PDE4B: variants seen among roughly 807,000 people sequenced by gnomAD.
PDE4B encodes phosphodiesterase 4B.
In PDE4B, 20 loss-of-function variants were observed where a neutral mutation model predicts 82.2. That is an observed-to-expected ratio of 0.24 (90% CI 0.17 to 0.35). PDE4B has a LOEUF of 0.35. Among genes scored for constraint, PDE4B ranks in the 10% least tolerant of loss-of-function variants. PDE4B has a pLI of 1.00. For synonymous variants in PDE4B, 320 were observed against 318.9 expected (o/e 1.00, Z -0.04); for missense variants, 655 against 907.2 (o/e 0.72, Z 3.57).
intron 15 of PDE4B, 52 bp from the exon 16 acceptor site, chr1:66,368,735 C>T (rs563132688): frequency 4.8e-5 from 66 of 1,372,654 alleles, no homozygotes; most frequent in East Asian, 2.2e-4. Flanking sequence ...TGAGATGTTC[C>T]GGCAGTATTT....
At chr1:65,890,697 G>A (rs35354251) in intron 1 of PDE4B, among the ~76,000 whole-genome samples, 22,003 of 151,986 alleles carry the variant, frequency 0.14, 1,898 homozygotes, top group South Asian at 0.21. Flanking sequence ...TGGATACATG[G>A]AGGAGAGCAG....
chr1:65,808,350 T>C (rs1054256220), intron 1 of PDE4B, among the ~76,000 whole-genome samples: 3 of 151,956 alleles, frequency 2.0e-5, no homozygotes, highest in Non-Finnish European at 4.4e-5. Context: ...TTAAAGAAAT[T>C]GTAGAGACAG....
chr1:66,274,094 T>G (rs1418562692), intron 7 of PDE4B, among the ~76,000 whole-genome samples: 1 of 152,230 alleles, frequency 6.6e-6, no homozygotes, highest in East Asian at 1.9e-4. Flanking sequence ...GGAATTGGTT[T>G]GAGAACCCAG....
intron 8 of PDE4B, chr1:66,354,707 G>T: frequency 7.0e-7 from 1 of 1,436,792 alleles, no homozygotes; most frequent in South Asian, 1.5e-5. Flanking sequence ...CATACATTTT[G>T]GAGGTTTTTG....
intron 7 of PDE4B, among the ~76,000 whole-genome samples, chr1:66,308,328 T>C (rs145972116): frequency 6.6e-6 from 1 of 152,218 alleles, no homozygotes; most frequent in East Asian, 1.9e-4. Flanking sequence ...AGTTCATGGA[T>C]TTTTTTCCGG....
At chr1:65,826,008 A>G (rs189558017) in intron 1 of PDE4B, among the ~76,000 whole-genome samples, 3 of 152,304 alleles carry the variant, frequency 2.0e-5, no homozygotes, top group Admixed American at 2.0e-4. Context: ...GATATTCTGT[A>G]TTCAACGACA....
chr1:65,910,527 T>G (rs747925747), intron 1 of PDE4B, among the ~76,000 whole-genome samples: 2 of 152,176 alleles, frequency 1.3e-5, no homozygotes, highest in Non-Finnish European at 2.9e-5. Flanking sequence ...GGAAATAGAT[T>G]GTTCTCTTAA....
chr1:66,245,280 A>G (rs1414488209), intron 3 of PDE4B, among the ~76,000 whole-genome samples: 1 of 152,192 alleles, frequency 6.6e-6, no homozygotes, highest in Non-Finnish European at 1.5e-5. Flanking sequence ...TAGTGTTTTA[A>G]TATCCAGAAA....
intron 7 of PDE4B, among the ~76,000 whole-genome samples, chr1:66,315,648 C>T (rs913471611): frequency 6.6e-6 from 1 of 151,984 alleles, no homozygotes; most frequent in South Asian, 2.1e-4. Flanking sequence ...TTAATAGAGA[C>T]CGGATTTCAC....
intron 3 of PDE4B, among the ~76,000 whole-genome samples, chr1:66,018,312 C>T (rs1028731328): frequency 3.9e-5 from 6 of 151,904 alleles, no homozygotes; most frequent in African/African-American, 9.7e-5. Context: ...CCCAGCTAGT[C>T]GGGAGGCTGA....
At chr1:66,347,518 A>C (rs987255753) in intron 8 of PDE4B, among the ~76,000 whole-genome samples, 8 of 152,194 alleles carry the variant, frequency 5.3e-5, no homozygotes, top group Non-Finnish European at 1.2e-4. Flanking sequence ...CAGGGAAGGA[A>C]AGGATAGATC....
At chr1:66,275,097 T>A (rs1248149657) in intron 7 of PDE4B, among the ~76,000 whole-genome samples, 1 of 152,206 alleles carries the variant, frequency 6.6e-6, no homozygotes, top group Non-Finnish European at 1.5e-5. Flanking sequence ...CACCCCTAAA[T>A]ACAGCTTTTT....
chr1:65,801,439 G>T (rs1242393586), intron 1 of PDE4B, among the ~76,000 whole-genome samples: 1 of 152,096 alleles, frequency 6.6e-6, no homozygotes, highest in African/African-American at 2.4e-5. Context: ...ATTTTTGAAG[G>T]ATAAAATTAG....
chr1:66,020,124 T>A (rs771595632), intron 3 of PDE4B, among the ~76,000 whole-genome samples: 2 of 152,212 alleles, frequency 1.3e-5, no homozygotes, highest in Non-Finnish European at 2.9e-5. Flanking sequence ...AGTAGACATC[T>A]ATATTTTTAT....
intron 3 of PDE4B, among the ~76,000 whole-genome samples, chr1:66,175,959 T>C (rs573828084): frequency 1.8e-3 from 268 of 152,318 alleles, no homozygotes; most frequent in African/African-American, 5.9e-3. Flanking sequence ...GCAAAAGATT[T>C]TTTAGGAGAA....
At chr1:65,885,374 G>T (rs138248319) in intron 1 of PDE4B, among the ~76,000 whole-genome samples, 1,999 of 152,196 alleles carry the variant, frequency 0.013, 51 homozygotes, top group African/African-American at 0.046. Context: ...TATACCCAAA[G>T]GATTATAAAT....
intron 8 of PDE4B, among the ~76,000 whole-genome samples, chr1:66,334,293 A>G (rs190903760): frequency 1.3e-5 from 2 of 152,380 alleles, no homozygotes; most frequent in Admixed American, 1.3e-4. Context: ...GTACCCCCTG[A>G]GAAACTACAA....
intron 3 of PDE4B, among the ~76,000 whole-genome samples, chr1:66,082,541 C>G (rs1256149163): frequency 2.0e-5 from 3 of 151,638 alleles, no homozygotes; most frequent in Non-Finnish European, 4.4e-5. Context: ...AGTTAAGTAT[C>G]CTTGGGTAAA....
chr1:65,998,290 T>G (rs1353614103), intron 3 of PDE4B, among the ~76,000 whole-genome samples: 3 of 152,094 alleles, frequency 2.0e-5, no homozygotes, highest in Non-Finnish European at 4.4e-5. Flanking sequence ...CATAGTTCAC[T>G]GGGGTTTCAG....
Sources: allele counts gnomAD v4.1 joint callset (sites outside exome capture counted in the v4.1 genomes callset), GRCh38; gene constraint gnomAD v4.1.1; transcripts MANE v1.5; gene names NCBI Gene and HGNC (gene_info 2026-07-23, HGNC 2026-07-21).